The following SCYL3 variants were observed in gnomAD, a reference collection of about 807,000 sequenced individuals.
SCYL3 encodes protein-associating with the carboxyl-terminal domain of ezrin.
SCYL3 carries 35 observed loss-of-function variants against 73.8 expected under a neutral mutation model. The ratio of observed to expected loss-of-function variants is 0.47; its 90% confidence interval spans 0.36 to 0.63. The LOEUF is 0.63. Among genes scored for constraint, SCYL3 ranks in the 20% least tolerant of loss-of-function variants. SCYL3 has a pLI of 0.00. For synonymous variants in SCYL3, 277 were observed against 295.2 expected, an observed-to-expected ratio of 0.94 and a Z score of 0.63; for missense variants, 712 against 798.9, an observed-to-expected ratio of 0.89 and a Z score of 1.31.
chr1:169,876,072 T>C lies in SCYL3; in HGVS notation c.371A>G (p.Asn124Ser). The stretch of plus-strand genomic sequence containing the variant: ...CACAAACACAGATGATAAACAGACA[T>C]TATTGTGTGTTAGGTGTCCCTGGAA... ...LHDRGHLTHN[N>S]VCLSSVFVSE... Residue 124 changes from asparagine (N) to serine (S), a missense_variant, in exon 4 of 13, where the codon AAT becomes AGT. By Grantham distance (46) the Asn-to-Ser change is conservative. This residue lies in a region of SCYL3 where 342 missense variants were observed against 448.1 expected (regional missense o/e 0.76). Coordinates refer to ENST00000367771, the MANE Select transcript of SCYL3 (RefSeq NM_020423.7). 1 of 1,601,126 alleles carries C rather than the reference T, an allele frequency of 6.2e-7. No individual in the cohort carries two copies. The highest frequency in any genetic ancestry group is 8.5e-7 in the Non-Finnish European group (1 of 1,173,300).
chr1:169,889,706 T>G (rs1046373358), intron 1 of SCYL3, among the ~76,000 whole-genome samples: 1 of 152,192 alleles, frequency 6.6e-6, no homozygotes, highest in South Asian at 2.1e-4. Flanking sequence ...AGGAAAGGAT[T>G]ATCATGATGT....
At chr1:169,879,040 C>T (rs1202430214) in intron 2 of SCYL3, among the ~76,000 whole-genome samples, 1 of 152,180 alleles carries the variant, frequency 6.6e-6, no homozygotes. Context: ...ACAGAAATTT[C>T]CAGTTCCATC....
At chr1:169,883,148 C>G (rs1661421142) in intron 2 of SCYL3, among the ~76,000 whole-genome samples, 1 of 152,080 alleles carries the variant, frequency 6.6e-6, no homozygotes, top group Non-Finnish European at 1.5e-5. Flanking sequence ...GGAACAAACT[C>G]CAGACACGCC....
intron 1 of SCYL3, among the ~76,000 whole-genome samples, chr1:169,889,907 CAG>C (rs1398244292): frequency 6.6e-6 from 1 of 152,124 alleles, no homozygotes; most frequent in African/African-American, 2.4e-5. Context: ...GAAGTATTAA[CAG>C]AGGTTTCCAG....
intron 7 of SCYL3, 135 bp downstream of exon 7, chr1:169,868,793 A>G (rs754328340): frequency 1.0e-5 from 6 of 581,756 alleles, no homozygotes; most frequent in Admixed American, 2.9e-5. Context: ...ACATGATTCA[A>G]TCTCTCCTAA....
chr1:169,854,029 T>C (rs1658820724), intron 12 of SCYL3: 3 of 570,094 alleles, frequency 5.3e-6, no homozygotes. Flanking sequence ...CTTATTTTAA[T>C]CCCTTTTTTT....
In SCYL3 at chr1:169,851,563, G is replaced by C. The variant is rs1164322847; in HGVS notation, c.*2150C>G. 1 of 477,342 alleles carries C rather than the reference G, an allele frequency of 2.1e-6. No homozygotes were observed. Among genetic ancestry groups the C allele is most frequent in the South Asian group, 3.0e-5 (1 of 32,936 alleles). 29.6% of individuals were successfully genotyped at this position (477,342 alleles called of 1,614,324 possible). A position where few individuals can be genotyped will look rare whatever the true frequency, so the allele number is the denominator to read the frequency against. On this transcript the variant is annotated 3_prime_UTR_variant, in exon 13 of 13. Transcript: ENST00000367771. The stretch of plus-strand genomic sequence containing the variant: ...ATACACTGCTGTTGCCAGTTTCTTA[G>C]CTTATACAGTAAAGGTTAGCAGACT...
At chr1:169,864,200 C>T (rs181833780) in intron 9 of SCYL3, among the ~76,000 whole-genome samples, 169 bp downstream of exon 9, 213 of 152,320 alleles carry the variant, frequency 1.4e-3, no homozygotes, top group African/African-American at 4.9e-3. Flanking sequence ...ATCCTGTGAA[C>T]TCTGGTACCC....
chr1:169,853,828 C>A, intron 12 of SCYL3, 56 bp from the exon 13 acceptor site: 1 of 1,588,748 alleles, frequency 6.3e-7, no homozygotes, highest in Non-Finnish European at 8.6e-7. Context: ...ATGCAAAAAT[C>A]ATACGCAAAT....
intron 9 of SCYL3, among the ~76,000 whole-genome samples, chr1:169,863,618 A>G (rs1028134987): frequency 2.0e-5 from 3 of 152,206 alleles, no homozygotes; most frequent in East Asian, 3.8e-4. Flanking sequence ...TCTAGAACCA[A>G]TGGATCAAGC....
intron 11 of SCYL3, among the ~76,000 whole-genome samples, chr1:169,858,236 G>A (rs1477954120): frequency 8.6e-5 from 13 of 151,994 alleles, no homozygotes; most frequent in Non-Finnish European, 1.5e-5. Context: ...TCCTTATTCT[G>A]TAAGCTTTTT....
intron 11 of SCYL3, chr1:169,855,749 A>G: frequency 6.4e-7 from 1 of 1,553,576 alleles, no homozygotes; most frequent in Non-Finnish European, 8.8e-7. Flanking sequence ...TCTCAGGAAA[A>G]CATTCATCCA....
chr1:169,875,875 A>C, intron 4 of SCYL3, 103 bp downstream of exon 4: 1 of 576,578 alleles, frequency 1.7e-6, no homozygotes, highest in Non-Finnish European at 2.9e-6. Context: ...AAGTCTCCAA[A>C]TCTAAGACCA....
Position 169,853,412 on chromosome 1 carries a change from T to C in SCYL3, c.*301A>G, listed in dbSNP as rs1382954519. ...ATTTTCTTTACTTCCAGAATTGTCC[T>C]GGAAAAAGCAGTAAATTCGACCTCT... On this transcript the variant is annotated 3_prime_UTR_variant, in exon 13 of 13. Coordinates refer to ENST00000367771, the MANE Select transcript of SCYL3 (RefSeq NM_020423.7). The C allele has an allele frequency of 5.2e-6, 2 of 381,442 alleles. No individual in the cohort carries two copies. The highest frequency in any genetic ancestry group is 9.3e-6 in the Non-Finnish European group (2 of 214,606). The allele number at this position is 381,442 out of a possible 1,614,324, so 23.6% of individuals were successfully genotyped here.
chr1:169,865,533 A>G (rs1443669963), intron 8 of SCYL3, among the ~76,000 whole-genome samples: 2 of 152,260 alleles, frequency 1.3e-5, no homozygotes, highest in African/African-American at 2.4e-5. Flanking sequence ...TGCAGCTTCA[A>G]CTGCTCCCTC....
In SCYL3 at chr1:169,853,040, A is replaced by ATGTC. The variant is rs1288663711; in HGVS notation, c.*669_*672dup. 1.4e-5 allele frequency: 21 copies of ATGTC among 1,550,958 alleles called. No homozygotes were observed. The highest frequency in any genetic ancestry group is 1.9e-5 in the Non-Finnish European group (21 of 1,127,554). ...GATGCTTTGTCAACTGAAAATACTT[A>ATGTC]TGTCTGTACATTTTCTAACAGATAT... On this transcript the variant is annotated 3_prime_UTR_variant, in exon 13 of 13. Transcript: ENST00000367771.
Position 169,876,100 on chromosome 1 carries a change from A to C in SCYL3, c.352-9T>G. 6.6e-7 allele frequency: 1 copy of C among 1,524,734 alleles called. No homozygotes were observed. The highest frequency in any genetic ancestry group is 8.9e-7 in the Non-Finnish European group (1 of 1,126,622). The allele number at this position is 1,524,734 out of a possible 1,614,324, so 94.5% of individuals were successfully genotyped here. ...TTGTGTGTTAGGTGTCCCTGGAAAA[A>C]AAAAAGAACAGAAGGAAGAGTGCCA... On this transcript the variant is annotated splice_polypyrimidine_tract_variant and intron_variant, in intron 3 of 12. Coordinates refer to ENST00000367771, the MANE Select transcript of SCYL3 (RefSeq NM_020423.7).
At chr1:169,859,348 G>T in intron 10 of SCYL3, 136 bp from the exon 11 acceptor site, 1 of 765,780 alleles carries the variant, frequency 1.3e-6, no homozygotes, top group Non-Finnish European at 1.9e-6. Context: ...CCAGGTCAGT[G>T]GCTCTCAAAC....
At chr1:169,857,762 G>A (rs1020358090) in intron 11 of SCYL3, among the ~76,000 whole-genome samples, 1 of 152,068 alleles carries the variant, frequency 6.6e-6, no homozygotes, top group Non-Finnish European at 1.5e-5. Flanking sequence ...ACTTAACAAT[G>A]GGGACATGTT....
Sources: gnomAD v4.1 joint callset for allele counts (sites outside exome capture counted in the v4.1 genomes callset) on GRCh38, gnomAD v4.1.1 for gene constraint, gnomAD v4.1.1 regional missense constraint, MANE v1.5 for transcripts, NCBI Gene and HGNC (gene_info 2026-07-23, HGNC 2026-07-21) for gene names.